GPR39: variants seen among roughly 807,000 people sequenced by gnomAD.
The protein encoded by GPR39 is zinc sensing receptor.
In GPR39, 23 loss-of-function variants were observed where a neutral mutation model predicts 18.4. The observed-to-expected ratio is 1.25, with a 90% CI of 0.90 to 1.77. GPR39 has a LOEUF of 1.77. Ranked by LOEUF, GPR39 falls within the 40% of genes most tolerant of loss-of-function variation. GPR39 has a pLI of 0.00. For missense variants in GPR39, 647 were observed against 602.4 expected (o/e 1.07, Z -0.78); for synonymous variants, 280 against 257.9 (o/e 1.09, Z -0.82).
At chr2:132,465,705 A>T (rs191121040) in intron 1 of GPR39, among the ~76,000 whole-genome samples, 47 of 152,292 alleles carry the variant, frequency 3.1e-4, no homozygotes, top group Non-Finnish European at 5.0e-4. Context: ...GGTTGCATAA[A>T]ACAAAAAGTA....
chr2:132,499,427 C>G (rs1681711135), intron 1 of GPR39, among the ~76,000 whole-genome samples: 1 of 152,104 alleles, frequency 6.6e-6, no homozygotes, highest in Admixed American at 6.6e-5. Flanking sequence ...ATTTTTATAC[C>G]AGTTCCATGC....
At chr2:132,424,337 T>C (rs1265287627) in intron 1 of GPR39, among the ~76,000 whole-genome samples, 5 of 152,336 alleles carry the variant, frequency 3.3e-5, no homozygotes, top group African/African-American at 1.2e-4. Context: ...TTTGAAAATA[T>C]TAAACCATGT....
intron 1 of GPR39, among the ~76,000 whole-genome samples, chr2:132,534,283 T>A (rs200812085): frequency 0.27 from 40,164 of 147,460 alleles, 6,174 homozygotes; most frequent in East Asian, 0.68. Context: ...TCAAAACCAC[T>A]ATGAGATATC....
intron 1 of GPR39, among the ~76,000 whole-genome samples, chr2:132,451,147 CTGTGTGTG>C (rs34508615): frequency 9.4e-6 from 1 of 105,984 alleles, no homozygotes; most frequent in Non-Finnish European, 2.4e-5. Context: ...ATCTTTGAGG[CTGTGTGTG>C]TGTGTGTGTG....
chr2:132,560,074 C>T (rs61379976), intron 1 of GPR39, among the ~76,000 whole-genome samples: 1,656 of 152,226 alleles, frequency 0.011, 25 homozygotes, highest in African/African-American at 0.038. Flanking sequence ...CTCCAATGGG[C>T]TCTGGGAGCT....
intron 1 of GPR39, among the ~76,000 whole-genome samples, chr2:132,486,295 A>C (rs527657454): frequency 8.5e-5 from 13 of 152,342 alleles, no homozygotes; most frequent in African/African-American, 2.9e-4. Flanking sequence ...TAGGATTCTG[A>C]GAATGGAAAA....
intron 1 of GPR39, among the ~76,000 whole-genome samples, chr2:132,512,041 G>T (rs1334659878): frequency 6.6e-6 from 1 of 152,312 alleles, no homozygotes; most frequent in Non-Finnish European, 1.5e-5. Flanking sequence ...GGTGAAAGAA[G>T]CTGATCCTGT....
At chr2:132,609,462 G>T (rs542406276) in intron 1 of GPR39, among the ~76,000 whole-genome samples, 1 of 152,350 alleles carries the variant, frequency 6.6e-6, no homozygotes, top group Admixed American at 6.5e-5. Flanking sequence ...ATACAAAGTT[G>T]CACAGTTGGA....
chr2:132,440,573 T>C (rs1049864681), intron 1 of GPR39, among the ~76,000 whole-genome samples: 1 of 152,044 alleles, frequency 6.6e-6, no homozygotes, highest in African/African-American at 2.4e-5. Context: ...GGCAAGTAAA[T>C]ACCAACGCGG....
At chr2:132,568,805 T>G (rs1211136113) in intron 1 of GPR39, among the ~76,000 whole-genome samples, 1 of 152,100 alleles carries the variant, frequency 6.6e-6, no homozygotes, top group African/African-American at 2.4e-5. Context: ...TAGCATGCCC[T>G]GCTAAACATG....
chr2:132,512,219 A>G (rs1679254366), intron 1 of GPR39, among the ~76,000 whole-genome samples: 1 of 152,174 alleles, frequency 6.6e-6, no homozygotes, highest in African/African-American at 2.4e-5. Flanking sequence ...ACTGTAAGTA[A>G]ACCTAAGGCG....
At chr2:132,538,578 G>T (rs1679802694) in intron 1 of GPR39, among the ~76,000 whole-genome samples, 1 of 152,240 alleles carries the variant, frequency 6.6e-6, no homozygotes, top group Non-Finnish European at 1.5e-5. Flanking sequence ...AATGTGCTGT[G>T]CTGGGAGAAT....
At chr2:132,470,528 T>A (rs551052944) in intron 1 of GPR39, among the ~76,000 whole-genome samples, 1 of 151,968 alleles carries the variant, frequency 6.6e-6, no homozygotes, top group Non-Finnish European at 1.5e-5. Context: ...TGGAGATGGA[T>A]TATAAAGTGC....
intron 1 of GPR39, among the ~76,000 whole-genome samples, chr2:132,458,458 T>TGTG (rs1680774114): frequency 1.1e-4 from 14 of 132,208 alleles, no homozygotes; most frequent in South Asian, 8.0e-4. Flanking sequence ...CTCGGTGTGT[T>TGTG]TGTGTGTGTG....
At chr2:132,486,080 C>T (rs1164408441) in intron 1 of GPR39, among the ~76,000 whole-genome samples, 2 of 152,164 alleles carry the variant, frequency 1.3e-5, no homozygotes, top group East Asian at 3.9e-4. Flanking sequence ...CCTTGTACAT[C>T]TCCATCGGAG....
intron 1 of GPR39, among the ~76,000 whole-genome samples, chr2:132,436,150 G>C (rs559614976): frequency 7.9e-6 from 1 of 125,800 alleles, no homozygotes; most frequent in East Asian, 2.1e-4. Context: ...GTTACTGGAA[G>C]AGCAAGAGCA....
Position 132,614,299 on chromosome 2 carries a change from C to T in GPR39, c.857-30802C>T, listed in dbSNP as rs995906317. The stretch of plus-strand genomic sequence containing the variant: ...TCGGCTCACTGCAACCTCCATCTCC[C>T]GGGTTCAAGCGATTCTCCTGCCTCG... On this transcript the variant is annotated intron_variant, in intron 1 of 1. Coordinates refer to ENST00000329321, the MANE Select transcript of GPR39 (RefSeq NM_001508.3). Among the ~76,000 whole-genome samples, 4 of 152,152 alleles carry T rather than the reference C, an allele frequency of 2.6e-5. No individual in the cohort carries two copies. The East Asian group carries it at 5.8e-4, about 22-fold the overall frequency.
At chr2:132,451,571 C>A (rs1473721080) in intron 1 of GPR39, among the ~76,000 whole-genome samples, 1 of 152,160 alleles carries the variant, frequency 6.6e-6, no homozygotes, top group Non-Finnish European at 1.5e-5. Context: ...TGACAACAGG[C>A]TACATAGGGA....
At chr2:132,627,761 T>TG (rs1184629838) in intron 1 of GPR39, among the ~76,000 whole-genome samples, 2 of 152,130 alleles carry the variant, frequency 1.3e-5, no homozygotes, top group African/African-American at 4.8e-5. Context: ...GCCTCGGCCG[T>TG]GGGGGAGGAG....
Sources: allele counts gnomAD v4.1 joint callset (sites outside exome capture counted in the v4.1 genomes callset), GRCh38; gene constraint gnomAD v4.1.1; transcripts MANE v1.5; gene names NCBI Gene and HGNC (gene_info 2026-07-23, HGNC 2026-07-21).